KDM3A: variants seen among roughly 807,000 people sequenced by gnomAD.
KDM3A encodes lysine-specific demethylase 3A.
A neutral mutation model predicts 158.0 loss-of-function variants in KDM3A; 60 were observed. The observed-to-expected ratio is 0.38, with a 90% CI of 0.31 to 0.47. The LOEUF is 0.47. Ranked by LOEUF, KDM3A falls within the 20% of genes least tolerant of loss-of-function variation. The probability of loss-of-function intolerance (pLI) is 0.99; values close to 1 mark genes in which losing one functional copy is unlikely to be tolerated. For synonymous variants in KDM3A, 608 were observed against 549.3 expected (o/e 1.11, Z -1.49); for missense variants, 1,319 against 1,574.3 (o/e 0.84, Z 2.74).
chr2:86,441,883 G>A (rs1057335344), intron 1 of KDM3A, 135 bp from the exon 2 acceptor site: 2 of 447,396 alleles, frequency 4.5e-6, no homozygotes, highest in South Asian at 4.3e-5. Flanking sequence ...GGCGCAGGAG[G>A]GGGGCTCGGT....
Position 86,464,207 on chromosome 2 carries a change from T to C in KDM3A, c.998T>C (p.Ile333Thr), listed in dbSNP as rs2104659578. Reference protein sequence around the residue: ...ANSPPNLGAKIPQGCHKQSLP... With the variant: ...ANSPPNLGAKTPQGCHKQSLP... ...TCTCCACCTAACCTTGGAGCAAAAATTCCTCAAGGGTGAGTAGTGATTTGT... is the reference window on the plus strand; with the variant it reads ...TCTCCACCTAACCTTGGAGCAAAAACTCCTCAAGGGTGAGTAGTGATTTGT... The change falls in exon 9 of 26, where the codon ATT (isoleucine) becomes ACT (threonine). Residue 333 changes from isoleucine to threonine, a missense_variant. Ile to Thr is a moderately conservative substitution (Grantham distance 89). Transcript: ENST00000312912. 4 of 1,602,038 alleles carry C rather than the reference T, an allele frequency of 2.5e-6. No homozygotes were observed. The East Asian group carries it at 9.0e-5, about 36-fold the overall frequency.
intron 18 of KDM3A, chr2:86,482,945 G>A: frequency 2.1e-6 from 1 of 470,124 alleles, no homozygotes; most frequent in Non-Finnish European, 3.8e-6. Context: ...TTTTTGACGA[G>A]GGCATCCAGG....
intron 4 of KDM3A, among the ~76,000 whole-genome samples, chr2:86,452,552 C>T (rs1489406861): frequency 2.6e-5 from 4 of 152,118 alleles, no homozygotes; most frequent in Non-Finnish European, 5.9e-5. Context: ...TGAGAATAGA[C>T]TGCACACACG....
chr2:86,485,695 C>CT, intron 20 of KDM3A, 34 bp from the exon 21 acceptor site: 1 of 1,606,928 alleles, frequency 6.2e-7, no homozygotes, highest in Non-Finnish European at 8.5e-7. Context: ...GAAAAGCAAT[C>CT]TAACTTTGCA....
intron 2 of KDM3A, among the ~76,000 whole-genome samples, chr2:86,447,120 T>C (rs574398691): frequency 1.3e-5 from 2 of 152,236 alleles, no homozygotes; most frequent in Non-Finnish European, 2.9e-5. Context: ...CTGACATATA[T>C]GGTTTTGATA....
intron 10 of KDM3A, among the ~76,000 whole-genome samples, chr2:86,469,221 A>C (rs1404681284): frequency 6.6e-6 from 1 of 152,118 alleles, no homozygotes; most frequent in African/African-American, 2.4e-5. Context: ...GAAGATGTTT[A>C]CTTTATTTAA....
intron 2 of KDM3A, among the ~76,000 whole-genome samples, chr2:86,444,676 G>A (rs1272359872): frequency 6.6e-6 from 1 of 151,628 alleles, no homozygotes; most frequent in East Asian, 1.9e-4. Flanking sequence ...TGGGGCGAGG[G>A]GCTGAGATGA....
rs770921342 is a variant in KDM3A at position 86,457,074 on chromosome 2, A to G, written c.843+3A>G. ...AACAAGCAAAATCTTGCTCTGAGGT[A>G]ACCTTTATTTATGTCACTTGTGTAA... is the stretch of plus-strand genomic sequence containing the variant. On this transcript the variant is annotated splice_donor_region_variant and intron_variant, in intron 8 of 25. Coordinates refer to ENST00000312912, the MANE Select transcript of KDM3A (RefSeq NM_018433.6). 9 of 1,539,190 alleles carry G rather than the reference A, an allele frequency of 5.8e-6. No homozygotes were observed. The highest frequency in any genetic ancestry group is 7.1e-6 in the Non-Finnish European group (8 of 1,128,580).
chr2:86,455,734 CTAGGA>C (rs1265589046), intron 5 of KDM3A, among the ~76,000 whole-genome samples: 2 of 151,660 alleles, frequency 1.3e-5, no homozygotes, highest in Non-Finnish European at 2.9e-5. Flanking sequence ...TTGCTTGAGC[CTAGGA>C]TAGGAGTTCA....
At chr2:86,450,742 T>C (rs1440539456) in intron 3 of KDM3A, among the ~76,000 whole-genome samples, 1 of 152,124 alleles carries the variant, frequency 6.6e-6, no homozygotes, top group Admixed American at 6.5e-5. Flanking sequence ...GTGGTTAAAG[T>C]TTTATTTTGC....
rs534948590 is a variant in KDM3A, at chr2:86,451,224, G to T, written c.453+11G>T. On this transcript the variant is annotated intron_variant, in intron 4 of 25. Transcript: ENST00000312912. ...TTGAAGCCTATACAGGTAAAACATA[G>T]AAACAGTAGTAAACATTAGAAACAG... 2.0e-6 allele frequency: 3 copies of T among 1,501,482 alleles called. No homozygotes were observed. The highest frequency in any genetic ancestry group is 2.0e-5 in the Admixed American group (1 of 50,504). 93.0% of individuals were successfully genotyped at this position (1,501,482 alleles called of 1,614,324 possible).
In KDM3A at chr2:86,489,302, C is replaced by T; in HGVS notation, c.3314-16C>T. 1 of 1,609,788 alleles carries T rather than the reference C, an allele frequency of 6.2e-7. No individual in the cohort carries two copies. Among genetic ancestry groups the T allele is most frequent in the East Asian group, 2.2e-5 (1 of 44,850 alleles). Reference sequence around the variant, plus strand: ...TTGTTGTCTTTTGTAAAACTTAAGGCACTTTGTTTTTGCAGGATTAATCAC... The same window carrying T: ...TTGTTGTCTTTTGTAAAACTTAAGGTACTTTGTTTTTGCAGGATTAATCAC... On this transcript the variant is annotated splice_polypyrimidine_tract_variant and intron_variant, in intron 21 of 25. Coordinates refer to ENST00000312912, the MANE Select transcript of KDM3A (RefSeq NM_018433.6).
At chr2:86,465,173 G>A (rs1235227566) in intron 9 of KDM3A, among the ~76,000 whole-genome samples, 2 of 152,136 alleles carry the variant, frequency 1.3e-5, no homozygotes, top group African/African-American at 4.8e-5. Flanking sequence ...AGAACTCTAG[G>A]ATGCTAAGAA....
chr2:86,446,922 C>T (rs1682980445), intron 2 of KDM3A, among the ~76,000 whole-genome samples: 1 of 152,160 alleles, frequency 6.6e-6, no homozygotes, highest in African/African-American at 2.4e-5. Context: ...AGCAATTCTC[C>T]CACCTCAGCC....
At position 86,465,554 on chromosome 2, in the gene KDM3A, C is replaced by T. The variant is rs546094633; in HGVS notation, c.1008-818C>T. ...TCCCAAGTAGCTGGGACTACAGGCG[C>T]GTGCCACCACACCAGGCTAATTTTT... On this transcript the variant is annotated intron_variant, in intron 9 of 25. Coordinates refer to ENST00000312912, the MANE Select transcript of KDM3A (RefSeq NM_018433.6). Among the ~76,000 whole-genome samples the T allele has an allele frequency of 2.4e-4, 37 of 152,016 alleles. 1 individual carries two copies. In the South Asian group the frequency reaches 6.5e-3, roughly 27 times the overall value.
chr2:86,452,284 A>G (rs1227969862), intron 4 of KDM3A, among the ~76,000 whole-genome samples: 2 of 151,806 alleles, frequency 1.3e-5, no homozygotes, highest in East Asian at 1.9e-4. Flanking sequence ...AACAAAATAC[A>G]TGTGTTAGAT....
rs1225385753 is a variant in KDM3A, at chr2:86,491,167, A to G, written c.3777A>G (p.Lys1259=). Residue 1259 remains lysine, a synonymous_variant, in exon 25 of 26, where the codon AAA becomes AAG. Coordinates refer to ENST00000312912, the MANE Select transcript of KDM3A (RefSeq NM_018433.6). ...TTCATAACTTATATAGCTGCATCAAAGTGGCTGAAGATTTTGTTTCTCCAG... is the reference window on the plus strand; with the variant it reads ...TTCATAACTTATATAGCTGCATCAAGGTGGCTGAAGATTTTGTTTCTCCAG... ...HQVHNLYSCI[K]VAEDFVSPEH... 1 of 1,614,058 alleles carries G rather than the reference A, an allele frequency of 6.2e-7. No individual in the cohort carries two copies. The highest frequency in any genetic ancestry group is 8.5e-7 in the Non-Finnish European group (1 of 1,179,936).
intron 12 of KDM3A, among the ~76,000 whole-genome samples, chr2:86,476,267 T>C (rs1423716094): frequency 6.6e-6 from 1 of 152,218 alleles, no homozygotes; most frequent in East Asian, 1.9e-4. Context: ...TGGAATGTAT[T>C]AGTGGCTTTG....
In KDM3A at chr2:86,491,136, T is replaced by C; in HGVS notation, c.3751-5T>C. 6.2e-7 allele frequency: 1 copy of C among 1,613,970 alleles called. No individual in the cohort carries two copies. The highest frequency in any genetic ancestry group is 8.5e-7 in the Non-Finnish European group (1 of 1,179,864). On this transcript the variant is annotated splice_polypyrimidine_tract_variant and splice_region_variant and intron_variant, in intron 24 of 25. Coordinates refer to ENST00000312912, the MANE Select transcript of KDM3A (RefSeq NM_018433.6). ...GTTACTGATATATTACTTGGTGTTT[T>C]TCAGGTTCATAACTTATATAGCTGC...
Sources: gnomAD v4.1 joint callset for allele counts (sites outside exome capture counted in the v4.1 genomes callset) on GRCh38, gnomAD v4.1.1 for gene constraint, MANE v1.5 for transcripts, NCBI Gene and HGNC (gene_info 2026-07-23, HGNC 2026-07-21) for gene names.